Variants in LPP observed in about 807,000 individuals in gnomAD.
LPP encodes LIM domain containing preferred translocation partner in lipoma, also known as lipoma-preferred partner.
In LPP, 38 loss-of-function variants were observed where a neutral mutation model predicts 60.4. The ratio of observed to expected loss-of-function variants is 0.63; its 90% CI spans 0.49 to 0.83. The LOEUF is 0.83. Ranked by LOEUF, LPP falls within the 40% of genes least tolerant of loss-of-function variation. LPP has a pLI of 0.00. For missense variants in LPP, 902 were observed against 783.6 expected (o/e 1.15, Z -1.80); for synonymous variants, 328 against 290.8 (o/e 1.13, Z -1.30).
intron 2 of LPP, among the ~76,000 whole-genome samples, chr3:188,279,999 CT>C (rs1741359087): frequency 6.6e-6 from 1 of 152,116 alleles, no homozygotes. Context: ...CTGTGTTGTT[CT>C]CTTTGTGTTT....
intron 7 of LPP, among the ~76,000 whole-genome samples, chr3:188,662,936 G>T (rs1242366371): frequency 5.9e-5 from 9 of 152,242 alleles, no homozygotes; most frequent in Non-Finnish European, 1.2e-4. Flanking sequence ...TGTACTACCT[G>T]TGTCACATGT....
intron 5 of LPP, among the ~76,000 whole-genome samples, chr3:188,515,431 A>G (rs545058663): frequency 5.3e-5 from 8 of 152,304 alleles, no homozygotes; most frequent in Admixed American, 2.6e-4. Context: ...TCATGAGCCA[A>G]TTTAACCTCT....
intron 9 of LPP, among the ~76,000 whole-genome samples, chr3:188,865,252 G>T (rs941227494): frequency 6.6e-6 from 1 of 152,146 alleles, no homozygotes; most frequent in Non-Finnish European, 1.5e-5. Context: ...TCACTAACTG[G>T]TGTCTCTTTT....
At chr3:188,669,615 G>T (rs1856553914) in intron 7 of LPP, among the ~76,000 whole-genome samples, 1 of 152,094 alleles carries the variant, frequency 6.6e-6, no homozygotes, top group South Asian at 2.1e-4. Context: ...AACAGGTGAT[G>T]CAGGTGATGG....
At chr3:188,783,544 G>A (rs1289819832) in intron 9 of LPP, among the ~76,000 whole-genome samples, 1 of 118,806 alleles carries the variant, frequency 8.4e-6, no homozygotes, top group East Asian at 3.4e-4. Flanking sequence ...ACAAGCACTG[G>A]GATCTACTTG....
At chr3:188,518,376 A>G (rs1817983032) in intron 5 of LPP, among the ~76,000 whole-genome samples, 1 of 152,212 alleles carries the variant, frequency 6.6e-6, no homozygotes, top group Admixed American at 6.5e-5. Context: ...TTGTATGTAA[A>G]CACAATGTAA....
chr3:188,701,777 G>A (rs956644434), intron 7 of LPP, among the ~76,000 whole-genome samples: 36 of 151,944 alleles, frequency 2.4e-4, no homozygotes, highest in Non-Finnish European at 4.3e-4. Flanking sequence ...AGTGTCAGTG[G>A]TCTTGGTGTT....
At chr3:188,599,106 A>C (rs542101624) in intron 6 of LPP, among the ~76,000 whole-genome samples, 1 of 152,270 alleles carries the variant, frequency 6.6e-6, no homozygotes, top group South Asian at 2.1e-4. Flanking sequence ...GGACACATGC[A>C]TGCTAAGAAC....
chr3:188,345,207 A>G lies in LPP; in HGVS notation c.-10+3488A>G, dbSNP rs117551686. Reference sequence around the variant, plus strand: ...ACTTCCTAGTTCTTAAAAGGCCATTATCTTCCAGGCAAAACCAATTTCATT... The same window carrying G: ...ACTTCCTAGTTCTTAAAAGGCCATTGTCTTCCAGGCAAAACCAATTTCATT... On this transcript the variant is annotated intron_variant, in intron 3 of 11. Transcript: ENST00000617246. 2.2e-3 allele frequency among the ~76,000 whole-genome samples: 335 copies of G among 152,308 alleles called. 3 individuals are homozygous for G. The South Asian group carries it at 0.024, about 11-fold the overall frequency.
chr3:188,286,647 T>C (rs900181408), intron 2 of LPP, among the ~76,000 whole-genome samples: 10 of 152,168 alleles, frequency 6.6e-5, no homozygotes, highest in Non-Finnish European at 1.0e-4. Flanking sequence ...CTGTGTTCCC[T>C]CCCCAAATAA....
At chr3:188,239,788 C>T (rs183887043) in intron 2 of LPP, 36 of 215,586 alleles carry the variant, frequency 1.7e-4, no homozygotes, top group Admixed American at 7.6e-4. Context: ...GTATTGATTG[C>T]GCAACATCAT....
rs1323872589 is a variant in LPP, at chr3:188,878,667, A to G, written c.*4188A>G. 1 of 203,186 alleles carries G rather than the reference A, an allele frequency of 4.9e-6. No homozygotes were observed. Among genetic ancestry groups the G allele is most frequent in the African/African-American group, 2.3e-5 (1 of 43,574 alleles). The allele number at this position is 203,186 out of a possible 1,614,324, so 12.6% of individuals were successfully genotyped here. ...CTTGTGCCTTATTTTCAAAGAATCT[A>G]TTTACACTACTATGAATATTCCACT... On this transcript the variant is annotated 3_prime_UTR_variant, in exon 12 of 12. Transcript: ENST00000617246.
At chr3:188,356,725 A>G (rs1199112275) in intron 3 of LPP, among the ~76,000 whole-genome samples, 2 of 152,182 alleles carry the variant, frequency 1.3e-5, no homozygotes, top group Non-Finnish European at 2.9e-5. Context: ...CTTCAATTTG[A>G]GATAAGATTT....
intron 3 of LPP, among the ~76,000 whole-genome samples, chr3:188,373,075 A>C (rs1773777090): frequency 6.6e-6 from 1 of 151,992 alleles, no homozygotes; most frequent in East Asian, 1.9e-4. Context: ...CATGGTGTAT[A>C]TGTGTCACAT....
At chr3:188,666,056 A>G (rs1416779146) in intron 7 of LPP, among the ~76,000 whole-genome samples, 2 of 152,222 alleles carry the variant, frequency 1.3e-5, no homozygotes, top group South Asian at 2.1e-4. Context: ...CAGTCATTCA[A>G]TTTCAGAATA....
chr3:188,395,994 T>C (rs954659652), intron 3 of LPP, among the ~76,000 whole-genome samples: 2 of 152,126 alleles, frequency 1.3e-5, no homozygotes, highest in Non-Finnish European at 2.9e-5. Context: ...TCAAAAGCTC[T>C]AAGCTAATTT....
intron 5 of LPP, among the ~76,000 whole-genome samples, chr3:188,494,848 A>T (rs1371921704): frequency 6.6e-6 from 1 of 151,606 alleles, no homozygotes; most frequent in Non-Finnish European, 1.5e-5. Flanking sequence ...TGGGTGATTG[A>T]TTGTTGTGAG....
At chr3:188,267,864 C>G (rs548643686) in intron 2 of LPP, among the ~76,000 whole-genome samples, 1 of 152,114 alleles carries the variant, frequency 6.6e-6, no homozygotes, top group African/African-American at 2.4e-5. Context: ...TCCCTAAACC[C>G]GGGCTTGCGT....
intron 8 of LPP, among the ~76,000 whole-genome samples, chr3:188,735,226 G>T (rs1722067485): frequency 6.6e-6 from 1 of 151,930 alleles, no homozygotes; most frequent in Non-Finnish European, 1.5e-5. Flanking sequence ...GTTGATGCAT[G>T]TTTCAGAAGA....
Sources: gnomAD v4.1 joint callset for allele counts (sites outside exome capture counted in the v4.1 genomes callset) on GRCh38, gnomAD v4.1.1 for gene constraint, MANE v1.5 for transcripts, NCBI Gene and HGNC (gene_info 2026-07-23, HGNC 2026-07-21) for gene names.